GPR39: variants seen among roughly 807,000 people sequenced by gnomAD.
GPR39 encodes G protein-coupled receptor 39.
In GPR39, 23 loss-of-function variants were observed where a neutral mutation model predicts 18.4. The observed-to-expected ratio is 1.25, with a 90% CI of 0.90 to 1.77. The LOEUF is 1.77. GPR39 is among the 40% of genes most tolerant of loss of function. The pLI, the probability that GPR39 is intolerant of heterozygous loss-of-function variation, is 0.00. For missense variants in GPR39, 647 were observed against 602.4 expected (o/e 1.07, Z -0.78); for synonymous variants, 280 against 257.9 (o/e 1.09, Z -0.82).
At chr2:132,454,777 TTA>T (rs1272239758) in intron 1 of GPR39, among the ~76,000 whole-genome samples, 1 of 152,178 alleles carries the variant, frequency 6.6e-6, no homozygotes, top group Non-Finnish European at 1.5e-5. Flanking sequence ...TATGTATGGA[TTA>T]TGTTTATTGA....
At chr2:132,610,115 T>C (rs13431731) in intron 1 of GPR39, among the ~76,000 whole-genome samples, 3 of 152,156 alleles carry the variant, frequency 2.0e-5, no homozygotes, top group African/African-American at 7.2e-5. Context: ...TGGTTACTTA[T>C]CTGTCTCATC....
chr2:132,607,746 A>G (rs947149149), intron 1 of GPR39, among the ~76,000 whole-genome samples: 4 of 152,240 alleles, frequency 2.6e-5, no homozygotes, highest in Admixed American at 6.5e-5. Context: ...TGCAGATGCA[A>G]TAAAATGGCT....
intron 1 of GPR39, among the ~76,000 whole-genome samples, chr2:132,446,230 C>G (rs180708202): frequency 6.6e-6 from 1 of 152,178 alleles, no homozygotes; most frequent in Non-Finnish European, 1.5e-5. Flanking sequence ...CTGCACTCAC[C>G]CTTTTATTCA....
intron 1 of GPR39, chr2:132,433,777 T>C (rs906098973): frequency 1.3e-5 from 2 of 148,778 alleles, no homozygotes; most frequent in African/African-American, 4.9e-5. Context: ...CCAGCAGGCA[T>C]GACAACCTCA....
chr2:132,524,555 T>G (rs1008864122), intron 1 of GPR39, among the ~76,000 whole-genome samples: 3 of 152,202 alleles, frequency 2.0e-5, no homozygotes, highest in Non-Finnish European at 4.4e-5. Flanking sequence ...GAGTGACACT[T>G]GGAGGTGGGC....
chr2:132,537,418 G>A (rs1037955001), intron 1 of GPR39, among the ~76,000 whole-genome samples: 2 of 151,964 alleles, frequency 1.3e-5, no homozygotes, highest in African/African-American at 2.4e-5. Context: ...TGGCTTGTAG[G>A]ATTTCTGCTG....
chr2:132,507,413 G>T (rs1008324293), intron 1 of GPR39, among the ~76,000 whole-genome samples: 4 of 152,176 alleles, frequency 2.6e-5, no homozygotes, highest in African/African-American at 9.7e-5. Context: ...TAACATTTAT[G>T]AGTGCTTACT....
At chr2:132,505,688 T>C (rs1425317109) in intron 1 of GPR39, among the ~76,000 whole-genome samples, 1 of 152,252 alleles carries the variant, frequency 6.6e-6, no homozygotes, top group African/African-American at 2.4e-5. Context: ...TCACTTAGTA[T>C]AATGAACTCC....
At chr2:132,516,261 T>C (rs1679331200) in intron 1 of GPR39, among the ~76,000 whole-genome samples, 1 of 152,170 alleles carries the variant, frequency 6.6e-6, no homozygotes. Context: ...GGTGGCATGT[T>C]CTCTGGCTAA....
At chr2:132,524,710 A>C (rs1293306822) in intron 1 of GPR39, among the ~76,000 whole-genome samples, 1 of 152,196 alleles carries the variant, frequency 6.6e-6, no homozygotes, top group Non-Finnish European at 1.5e-5. Context: ...GAAACACCAC[A>C]GCCTCCAAAA....
At chr2:132,496,819 G>A (rs976558845) in intron 1 of GPR39, among the ~76,000 whole-genome samples, 1 of 152,230 alleles carries the variant, frequency 6.6e-6, no homozygotes, top group Non-Finnish European at 1.5e-5. Flanking sequence ...GGAGCCATTA[G>A]CAGCCTTGAT....
intron 1 of GPR39, among the ~76,000 whole-genome samples, chr2:132,455,375 C>A (rs564950069): frequency 1.3e-5 from 2 of 151,998 alleles, no homozygotes; most frequent in South Asian, 4.2e-4. Flanking sequence ...TCTCTCTTTT[C>A]TTCTTTATTA....
intron 1 of GPR39, among the ~76,000 whole-genome samples, chr2:132,486,703 G>T (rs1446006168): frequency 6.6e-6 from 1 of 152,178 alleles, no homozygotes; most frequent in South Asian, 2.1e-4. Context: ...TTAGAGTCTT[G>T]CTCTGGATTA....
chr2:132,603,469 G>T (rs951818651), intron 1 of GPR39, among the ~76,000 whole-genome samples: 1 of 152,148 alleles, frequency 6.6e-6, no homozygotes, highest in Non-Finnish European at 1.5e-5. Context: ...AGTGTAGGAT[G>T]ACTATAGTTA....
chr2:132,444,791 G>C (rs4245834), intron 1 of GPR39, among the ~76,000 whole-genome samples: 150,819 of 152,348 alleles, frequency 0.99, 74,674 homozygotes, highest in East Asian at 1. Flanking sequence ...TTTCCTTTGG[G>C]TTTGCTGTAC....
intron 1 of GPR39, chr2:132,418,462 A>T (rs1679952514): frequency 6.5e-6 from 1 of 152,878 alleles, no homozygotes; most frequent in South Asian, 2.1e-4. Context: ...ATCTTAAGAC[A>T]TGGGAGCTCT....
At chr2:132,532,975 A>G (rs574038983) in intron 1 of GPR39, among the ~76,000 whole-genome samples, 17 of 152,222 alleles carry the variant, frequency 1.1e-4, no homozygotes, top group African/African-American at 3.6e-4. Context: ...TATTCAACGT[A>G]GTGTTGGAAG....
intron 1 of GPR39, among the ~76,000 whole-genome samples, chr2:132,520,249 C>A (rs568870968): frequency 2.6e-5 from 4 of 152,316 alleles, no homozygotes; most frequent in Admixed American, 6.5e-5. Context: ...CCAAGCAAGG[C>A]AAATGCCTTT....
intron 1 of GPR39, among the ~76,000 whole-genome samples, chr2:132,633,826 AGAGGTG>A (rs1681695997): frequency 6.6e-6 from 1 of 151,968 alleles, no homozygotes; most frequent in Non-Finnish European, 1.5e-5. Context: ...TGATGTTGGT[AGAGGTG>A]GAGGTGATGA....
Sources: allele counts gnomAD v4.1 joint callset (sites outside exome capture counted in the v4.1 genomes callset), GRCh38; gene constraint gnomAD v4.1.1; transcripts MANE v1.5; gene names NCBI Gene and HGNC (gene_info 2026-07-23, HGNC 2026-07-21).